The following PTPRK variants were observed in gnomAD, a reference collection of about 807,000 sequenced individuals.
The protein encoded by PTPRK is receptor-type tyrosine-protein phosphatase kappa.
Under a neutral mutation model 178.0 loss-of-function variants are expected in PTPRK, and 75 were observed. The ratio of observed to expected loss-of-function variants is 0.42; its 90% confidence interval spans 0.35 to 0.51. The LOEUF is 0.51. Ranked by LOEUF, PTPRK falls within the 20% of genes least tolerant of loss-of-function variation. The probability of loss-of-function intolerance (pLI) is 0.02; values close to 1 mark genes in which losing one functional copy is unlikely to be tolerated. For synonymous variants in PTPRK, 637 were observed against 620.6 expected (o/e 1.03, Z -0.39); for missense variants, 1,441 against 1,797.8 (o/e 0.80, Z 3.59).
chr6:128,194,343 C>G (rs1278786064), intron 6 of PTPRK, among the ~76,000 whole-genome samples: 1 of 152,046 alleles, frequency 6.6e-6, no homozygotes, highest in Non-Finnish European at 1.5e-5. Flanking sequence ...GCCTCAGCCT[C>G]CCAAAGTGCT....
intron 6 of PTPRK, among the ~76,000 whole-genome samples, chr6:128,186,533 G>T (rs1314017119): frequency 6.6e-6 from 1 of 152,086 alleles, no homozygotes; most frequent in Admixed American, 6.6e-5. Context: ...CTGATAGTTT[G>T]CAAATTGTTT....
chr6:128,236,470 T>C (rs558593563), intron 5 of PTPRK, among the ~76,000 whole-genome samples: 1 of 150,478 alleles, frequency 6.6e-6, no homozygotes, highest in African/African-American at 2.4e-5. Flanking sequence ...TGCCTCAGCC[T>C]GCCGAGTAGC....
chr6:128,153,639 AAT>A (rs1797583106), intron 7 of PTPRK, among the ~76,000 whole-genome samples: 1 of 151,976 alleles, frequency 6.6e-6, no homozygotes, highest in Non-Finnish European at 1.5e-5. Context: ...AATGTAAGCA[AAT>A]ATACTGCCCT....
chr6:127,998,650 A>G, intron 16 of PTPRK, 70 bp downstream of exon 16: 1 of 1,353,638 alleles, frequency 7.4e-7, no homozygotes, highest in Non-Finnish European at 1.0e-6. Context: ...AAGAGAGGGA[A>G]AAAAATGCTA....
chr6:128,275,352 A>G (rs1017306760), intron 3 of PTPRK, among the ~76,000 whole-genome samples: 1 of 151,866 alleles, frequency 6.6e-6, no homozygotes, highest in African/African-American at 2.4e-5. Context: ...CTGATATGTT[A>G]ATCTATTTAC....
chr6:128,352,053 G>A (rs952587183), intron 2 of PTPRK, among the ~76,000 whole-genome samples: 3 of 151,720 alleles, frequency 2.0e-5, no homozygotes, highest in South Asian at 2.1e-4. Flanking sequence ...TCAGGAGTTC[G>A]AGACCAGCCT....
At chr6:128,104,173 C>A (rs1404963498) in intron 7 of PTPRK, among the ~76,000 whole-genome samples, 1 of 152,182 alleles carries the variant, frequency 6.6e-6, no homozygotes, top group Non-Finnish European at 1.5e-5. Context: ...TTCTCCCAAG[C>A]AATTATTGCC....
chr6:128,009,359 CTTG>C, intron 13 of PTPRK, 91 bp from the exon 14 acceptor site: 1 of 1,191,932 alleles, frequency 8.4e-7, no homozygotes, highest in Non-Finnish European at 1.2e-6. Flanking sequence ...AGAAACACAA[CTTG>C]TTTATTGTAT....
At chr6:128,406,537 T>C (rs1223185923) in intron 1 of PTPRK, among the ~76,000 whole-genome samples, 2 of 152,198 alleles carry the variant, frequency 1.3e-5, no homozygotes, top group African/African-American at 4.8e-5. Context: ...CTTCTCATTC[T>C]AAGCATAATT....
chr6:128,329,628 A>C (rs188997535), intron 2 of PTPRK, among the ~76,000 whole-genome samples: 32 of 152,276 alleles, frequency 2.1e-4, no homozygotes, highest in African/African-American at 7.2e-4. Flanking sequence ...CAGGAGACTG[A>C]TGTCCCAGCT....
intron 7 of PTPRK, among the ~76,000 whole-genome samples, chr6:128,168,446 C>T (rs1452221153): frequency 6.6e-6 from 1 of 152,092 alleles, no homozygotes; most frequent in African/African-American, 2.4e-5. Context: ...ATGTTCACTA[C>T]AGCAGAGGTC....
chr6:128,235,299 A>AAAAT (rs113855784), intron 5 of PTPRK: 14,520 of 152,626 alleles, frequency 0.095, 1,496 homozygotes, highest in East Asian at 0.34. Flanking sequence ...TCAAAATTTA[A>AAAAT]AAATAACCAA....
intron 1 of PTPRK, among the ~76,000 whole-genome samples, chr6:128,435,636 C>T (rs1280290648): frequency 4.6e-5 from 7 of 152,028 alleles, no homozygotes; most frequent in East Asian, 3.9e-4. Context: ...TAAAGCAGTT[C>T]GTTATCTGTT....
Position 128,132,181 on chromosome 6 carries a change from A to T in PTPRK, c.1163-42189T>A, listed in dbSNP as rs531603213. On this transcript the variant is annotated intron_variant, in intron 7 of 29. Coordinates refer to ENST00000368226, the MANE Select transcript of PTPRK (RefSeq NM_002844.4). ...GCTGTGTGTTTTATTTTTTAATTTT[A>T]ATTTTTATTTTTTGAGATGGAGTCT... Among the ~76,000 whole-genome samples, 95 of 152,256 alleles carry T rather than the reference A, an allele frequency of 6.2e-4. 1 individual carries two copies. Among genetic ancestry groups the T allele is most frequent in the African/African-American group, 2.0e-3 (83 of 41,560 alleles).
chr6:128,230,330 G>A (rs901285804), intron 5 of PTPRK, among the ~76,000 whole-genome samples: 1 of 152,184 alleles, frequency 6.6e-6, no homozygotes, highest in East Asian at 1.9e-4. Flanking sequence ...TTAAAAAGAT[G>A]TCTAATTTTA....
intron 6 of PTPRK, among the ~76,000 whole-genome samples, 197 bp downstream of exon 6, chr6:128,218,725 A>G (rs1470185395): frequency 1.3e-5 from 2 of 152,240 alleles, no homozygotes; most frequent in East Asian, 3.8e-4. Context: ...AACACTTACT[A>G]GAAACTTCAA....
intron 7 of PTPRK, among the ~76,000 whole-genome samples, chr6:128,148,032 C>G (rs1226163885): frequency 6.6e-6 from 1 of 152,014 alleles, no homozygotes; most frequent in Non-Finnish European, 1.5e-5. Context: ...TAAACTTGAG[C>G]TAAGATAAGG....
chr6:128,446,528 C>T (rs1011498650), intron 1 of PTPRK, among the ~76,000 whole-genome samples: 3 of 152,110 alleles, frequency 2.0e-5, no homozygotes, highest in South Asian at 2.1e-4. Flanking sequence ...ATTCTTTCTG[C>T]AAAATAAAAA....
At chr6:128,207,495 T>C (rs1807186568) in intron 6 of PTPRK, among the ~76,000 whole-genome samples, 1 of 152,168 alleles carries the variant, frequency 6.6e-6, no homozygotes, top group Non-Finnish European at 1.5e-5. Flanking sequence ...AAAATTGCAT[T>C]AGTATTTCTA....
Sources: gnomAD v4.1 joint callset for allele counts (sites outside exome capture counted in the v4.1 genomes callset) on GRCh38, gnomAD v4.1.1 for gene constraint, MANE v1.5 for transcripts, NCBI Gene and HGNC (gene_info 2026-07-23, HGNC 2026-07-21) for gene names.